JPH2: variants seen among roughly 807,000 people sequenced by gnomAD.
The protein encoded by JPH2 is junctophilin-2.
JPH2 carries 38 observed loss-of-function variants against 55.9 expected under a neutral mutation model. The ratio of observed to expected loss-of-function variants is 0.68; its 90% CI spans 0.52 to 0.89. JPH2 has a LOEUF of 0.89. Ranked by LOEUF, JPH2 falls within the 40% of genes least tolerant of loss-of-function variation. The pLI, the probability that JPH2 is intolerant of heterozygous loss-of-function variation, is 0.00. For missense variants in JPH2, 964 were observed against 1,037.6 expected (o/e 0.93, Z 0.97); for synonymous variants, 480 against 472.4 (o/e 1.02, Z -0.21).
chr20:44,134,276 ACAT>A (rs1569193395), intron 2 of JPH2, among the ~76,000 whole-genome samples: 2 of 21,850 alleles, frequency 9.2e-5, no homozygotes, highest in Non-Finnish European at 1.6e-4. Flanking sequence ...TATTATATAT[ACAT>A]ATAAATATTT....
In JPH2 at chr20:44,118,514, A is replaced by T. The variant is rs1309153706; in HGVS notation, c.1279T>A (p.Tyr427Asn). 1 of 1,612,580 alleles carries T rather than the reference A, an allele frequency of 6.2e-7. No individual in the cohort carries two copies. The highest frequency in any genetic ancestry group is 8.5e-7 in the Non-Finnish European group (1 of 1,179,710). The change falls in exon 3 of 6, where the codon TAC (tyrosine) becomes AAC (asparagine). Residue 427 changes from tyrosine (Y) to asparagine (N), a missense_variant. Transcript: ENST00000372980. ...TLARELAPDF[Y>N]QPGPEYQKRR... ...CCCTGGCTGGCCCTACCTGGCTGGT[A>T]GAAGTCCGGAGCCAGCTCCCTGGCC...
At chr20:44,148,135 C>A (rs1483152461) in intron 2 of JPH2, among the ~76,000 whole-genome samples, 1 of 152,126 alleles carries the variant, frequency 6.6e-6, no homozygotes, top group Non-Finnish European at 1.5e-5. Flanking sequence ...TGCACTCCAG[C>A]CTTGGTGACA....
chr20:44,185,410 G>A (rs2072826477), intron 1 of JPH2, among the ~76,000 whole-genome samples: 1 of 151,776 alleles, frequency 6.6e-6, no homozygotes, highest in Non-Finnish European at 1.5e-5. Context: ...GATTGCTTGA[G>A]CTCCGAAGTT....
chr20:44,120,795 G>A (rs1018610208), intron 2 of JPH2, among the ~76,000 whole-genome samples: 3 of 152,152 alleles, frequency 2.0e-5, no homozygotes, highest in Non-Finnish European at 2.9e-5. Context: ...TTACGAATTC[G>A]TGTTGGGCCA....
intron 2 of JPH2, among the ~76,000 whole-genome samples, chr20:44,150,373 T>C (rs7352459): frequency 6.6e-6 from 1 of 152,222 alleles, no homozygotes. Context: ...AAAGCATCAC[T>C]GAAAAAAGTT....
intron 2 of JPH2, among the ~76,000 whole-genome samples, chr20:44,154,584 C>T (rs1251676382): frequency 2.0e-5 from 3 of 152,216 alleles, no homozygotes; most frequent in East Asian, 1.9e-4. Context: ...ATGTCCTGAT[C>T]GTAGCCTCCG....
chr20:44,156,244 T>C (rs944775440), intron 2 of JPH2, among the ~76,000 whole-genome samples: 3 of 152,192 alleles, frequency 2.0e-5, no homozygotes, highest in African/African-American at 7.2e-5. Context: ...ATGTTGGTCT[T>C]GACAAATGTA....
intron 1 of JPH2, among the ~76,000 whole-genome samples, chr20:44,161,826 T>C (rs915203032): frequency 6.6e-6 from 1 of 152,152 alleles, no homozygotes; most frequent in African/African-American, 2.4e-5. Flanking sequence ...ACTGCACATC[T>C]AGTGTTTTTA....
intron 1 of JPH2, 86 bp downstream of exon 1, chr20:44,186,241 T>C (rs2072839003): frequency 6.8e-7 from 1 of 1,479,218 alleles, no homozygotes; most frequent in Non-Finnish European, 9.2e-7. Context: ...TCTGTGCCAA[T>C]TGCCGGTCGC....
chr20:44,146,845 C>T (rs998813747), intron 2 of JPH2, among the ~76,000 whole-genome samples: 15 of 152,280 alleles, frequency 9.9e-5, no homozygotes, highest in African/African-American at 2.4e-4. Flanking sequence ...AGGAAGACTG[C>T]GCTCATGTAC....
chr20:44,138,165 G>A (rs186866740), intron 2 of JPH2, among the ~76,000 whole-genome samples: 7 of 151,408 alleles, frequency 4.6e-5, no homozygotes, highest in East Asian at 2.0e-4. Flanking sequence ...CCGCCACCAC[G>A]CCCGGCCAAT....
chr20:44,138,366 G>A (rs573254376), intron 2 of JPH2, among the ~76,000 whole-genome samples: 8 of 150,342 alleles, frequency 5.3e-5, no homozygotes, highest in African/African-American at 2.0e-4. Flanking sequence ...CCAGCAGCAA[G>A]CAGCCTTGAG....
At chr20:44,139,425 A>T (rs878559) in intron 2 of JPH2, among the ~76,000 whole-genome samples, 125,959 of 152,162 alleles carry the variant, frequency 0.83, 52,748 homozygotes, top group African/African-American at 0.96. Context: ...ACATCCATGT[A>T]CAACAATGGG....
At chr20:44,181,657 A>G (rs1345956800) in intron 1 of JPH2, among the ~76,000 whole-genome samples, 3 of 152,166 alleles carry the variant, frequency 2.0e-5, no homozygotes, top group Admixed American at 6.5e-5. Context: ...GCTGGATGGC[A>G]AGTTTTGGAC....
At position 44,115,775 on chromosome 20, in the gene JPH2, T is replaced by G; in HGVS notation, c.1900A>C (p.Arg634=). The G allele has an allele frequency of 6.2e-7, 1 of 1,611,464 alleles. No individual in the cohort carries two copies. The highest frequency in any genetic ancestry group is 8.5e-7 in the Non-Finnish European group (1 of 1,179,904). The change falls in exon 4 of 6, where the codon AGG becomes CGG. Residue 634 remains arginine (R), a synonymous_variant. Coordinates refer to ENST00000372980, the MANE Select transcript of JPH2 (RefSeq NM_020433.5). The part of the protein sequence containing the change: ...PKPIIPKAEP[R]AKARKTEARG... ...GCCTCAGTCTTGCGGGCCTTGGCCC[T>G]GGGCTCGGCTTTGGGGATGATGGGC... is the stretch of plus-strand genomic sequence containing the variant.
chr20:44,164,612 G>A (rs1219521068), intron 1 of JPH2, among the ~76,000 whole-genome samples: 1 of 152,100 alleles, frequency 6.6e-6, no homozygotes, highest in Non-Finnish European at 1.5e-5. Flanking sequence ...TCCAAAACAT[G>A]CTAAGTGAAC....
intron 2 of JPH2, among the ~76,000 whole-genome samples, chr20:44,144,561 C>A (rs2145866239): frequency 6.6e-6 from 1 of 152,324 alleles, no homozygotes; most frequent in Non-Finnish European, 1.5e-5. Flanking sequence ...CCAGCCTGCA[C>A]TCTCAGTCGC....
chr20:44,154,544 G>A (rs577961253), intron 2 of JPH2, among the ~76,000 whole-genome samples: 23 of 152,168 alleles, frequency 1.5e-4, no homozygotes, highest in Non-Finnish European at 1.6e-4. Flanking sequence ...GGGAAGAGCT[G>A]TCTCATCTTT....
In JPH2 at chr20:44,180,017, C is replaced by T. The variant is rs150004610; in HGVS notation, c.379+6310G>A. The stretch of plus-strand genomic sequence containing the variant: ...GGGGGATCACCTGAGGTCAGGAGCT[C>T]AAGACTAGCCTGGCCAAAATGGTGA... On this transcript the variant is annotated intron_variant, in intron 1 of 5. Coordinates refer to ENST00000372980, the MANE Select transcript of JPH2 (RefSeq NM_020433.5). 4.5e-3 allele frequency among the ~76,000 whole-genome samples: 685 copies of T among 152,246 alleles called. 3 individuals are homozygous for T. The highest frequency in any genetic ancestry group is 0.016 in the African/African-American group (653 of 41,530).
Sources: allele counts gnomAD v4.1 joint callset (sites outside exome capture counted in the v4.1 genomes callset), GRCh38; gene constraint gnomAD v4.1.1; transcripts MANE v1.5; gene names NCBI Gene and HGNC (gene_info 2026-07-23, HGNC 2026-07-21).